Variants in NOL4 observed in about 807,000 individuals in gnomAD.
The protein encoded by NOL4 is cancer/testis antigen 125.
A neutral mutation model predicts 75.9 loss-of-function variants in NOL4; 17 were observed. The observed-to-expected ratio is 0.22, with a 90% CI of 0.15 to 0.34. The LOEUF (loss-of-function observed/expected upper bound fraction) is 0.34, where lower values mean the gene tolerates loss of function less well. Among genes scored for constraint, NOL4 ranks in the 10% least tolerant of loss-of-function variants. The pLI is 1.00. For synonymous variants in NOL4, 292 were observed against 289.9 expected, an observed-to-expected ratio of 1.01 and a Z score of -0.07; for missense variants, 614 against 793.5, an observed-to-expected ratio of 0.77 and a Z score of 2.72.
At position 33,937,145 on chromosome 18, in the gene NOL4, A is replaced by T. The variant is rs566095315; in HGVS notation, c.1542+5920T>A. ...TGTTAAATCTAGAAAAATGCTATAT[A>T]TATTCCAAACTGCATTGCGAATGGA... is the stretch of plus-strand genomic sequence containing the variant. On this transcript the variant is annotated intron_variant, in intron 9 of 10. Transcript: ENST00000261592. 3.3e-3 allele frequency among the ~76,000 whole-genome samples: 508 copies of T among 152,184 alleles called. 3 individuals carry two copies. Among genetic ancestry groups the T allele is most frequent in the South Asian group, 7.9e-3 (38 of 4,822 alleles).
chr18:33,973,804 A>C (rs2071269825), intron 6 of NOL4, among the ~76,000 whole-genome samples: 1 of 152,236 alleles, frequency 6.6e-6, no homozygotes, highest in Non-Finnish European at 1.5e-5. Context: ...TAAGTAAACC[A>C]TGCTGTACAC....
intron 9 of NOL4, among the ~76,000 whole-genome samples, chr18:33,895,795 G>C (rs1424912415): frequency 6.6e-6 from 1 of 152,112 alleles, no homozygotes; most frequent in Non-Finnish European, 1.5e-5. Flanking sequence ...AGTATTGGAA[G>C]TCTTAACCAG....
intron 9 of NOL4, among the ~76,000 whole-genome samples, chr18:33,908,225 T>C (rs1599831274): frequency 6.6e-6 from 1 of 152,190 alleles, no homozygotes; most frequent in East Asian, 1.9e-4. Context: ...AAACAAAACT[T>C]TGAAAAATAC....
At chr18:34,001,816 A>G (rs1350562988) in intron 6 of NOL4, 1 of 152,634 alleles carries the variant, frequency 6.6e-6, no homozygotes, top group Non-Finnish European at 1.5e-5. Context: ...AATATTTCAT[A>G]AAGACTGGAA....
chr18:34,079,468 C>T (rs1259937167), intron 5 of NOL4, among the ~76,000 whole-genome samples: 1 of 151,872 alleles, frequency 6.6e-6, no homozygotes, highest in African/African-American at 2.4e-5. Context: ...ACCTAAATAC[C>T]CCATGCCATT....
intron 10 of NOL4, among the ~76,000 whole-genome samples, chr18:33,868,024 C>T (rs749724176): frequency 4.6e-5 from 7 of 151,388 alleles, no homozygotes; most frequent in South Asian, 2.1e-4. Context: ...ATGCTTTACT[C>T]GGTCTACTGA....
chr18:33,927,950 A>G (rs2067445288), intron 9 of NOL4, among the ~76,000 whole-genome samples: 2 of 152,098 alleles, frequency 1.3e-5, no homozygotes, highest in Non-Finnish European at 1.5e-5. Flanking sequence ...CTAACTCCAT[A>G]ATGAATTTGT....
chr18:33,902,187 G>T (rs1391742719), intron 9 of NOL4, among the ~76,000 whole-genome samples: 1 of 151,964 alleles, frequency 6.6e-6, no homozygotes, highest in Non-Finnish European at 1.5e-5. Context: ...ATTTATAATA[G>T]TTCTTCTATG....
chr18:34,069,122 G>A (rs2077404753), intron 5 of NOL4, among the ~76,000 whole-genome samples: 1 of 152,126 alleles, frequency 6.6e-6, no homozygotes, highest in Admixed American at 6.6e-5. Flanking sequence ...CATTATTGAT[G>A]TGTGAAACAA....
intron 6 of NOL4, among the ~76,000 whole-genome samples, chr18:33,965,818 T>A (rs1004116767): frequency 6.6e-6 from 1 of 152,106 alleles, no homozygotes; most frequent in East Asian, 1.9e-4. Context: ...TTACCCAGTC[T>A]TGGGTACGTC....
chr18:33,955,569 G>A (rs2069583097), intron 8 of NOL4, among the ~76,000 whole-genome samples: 1 of 151,928 alleles, frequency 6.6e-6, no homozygotes, highest in Non-Finnish European at 1.5e-5. Context: ...AAAGACAATG[G>A]AGAGTTTGGC....
chr18:34,033,445 A>C (rs1280270293), intron 5 of NOL4, among the ~76,000 whole-genome samples: 1 of 152,008 alleles, frequency 6.6e-6, no homozygotes, highest in Non-Finnish European at 1.5e-5. Flanking sequence ...TAGATCAAGC[A>C]GAAGAAAAAA....
intron 10 of NOL4, among the ~76,000 whole-genome samples, chr18:33,858,405 T>A (rs34272238): frequency 2.0e-5 from 3 of 151,916 alleles, no homozygotes; most frequent in African/African-American, 7.2e-5. Flanking sequence ...AAAAATCAAC[T>A]ATAAAACCTC....
intron 5 of NOL4, among the ~76,000 whole-genome samples, chr18:34,026,870 A>C (rs1050211194): frequency 6.6e-6 from 1 of 152,170 alleles, no homozygotes; most frequent in East Asian, 1.9e-4. Flanking sequence ...CAAACATAGT[A>C]TTAGAAACTG....
chr18:33,976,990 T>C (rs1266048334), intron 6 of NOL4, among the ~76,000 whole-genome samples: 1 of 152,154 alleles, frequency 6.6e-6, no homozygotes, highest in African/African-American at 2.4e-5. Flanking sequence ...GCATATAGAA[T>C]AGTTTTGTTT....
chr18:34,028,724 A>T (rs1351695428), intron 5 of NOL4, among the ~76,000 whole-genome samples: 16 of 152,180 alleles, frequency 1.1e-4, no homozygotes, highest in Non-Finnish European at 1.5e-5. Context: ...GACCTACTAA[A>T]TCAGAATCTG....
intron 1 of NOL4, among the ~76,000 whole-genome samples, chr18:34,143,206 C>T (rs2081258011): frequency 6.6e-6 from 1 of 152,042 alleles, no homozygotes; most frequent in African/African-American, 2.4e-5. Flanking sequence ...TCAACCAATA[C>T]TACAGTGGTG....
intron 1 of NOL4, among the ~76,000 whole-genome samples, chr18:34,195,913 G>T (rs1446464063): frequency 6.6e-6 from 1 of 152,152 alleles, no homozygotes; most frequent in South Asian, 2.1e-4. Context: ...AGTAGATAAA[G>T]AATTCATTTT....
intron 9 of NOL4, among the ~76,000 whole-genome samples, chr18:33,919,439 A>T (rs1568062291): frequency 6.6e-6 from 1 of 152,166 alleles, no homozygotes; most frequent in Non-Finnish European, 1.5e-5. Flanking sequence ...GCTTGCATTG[A>T]TGCTAACTTG....
Sources: allele counts gnomAD v4.1 joint callset (sites outside exome capture counted in the v4.1 genomes callset), GRCh38; gene constraint gnomAD v4.1.1; transcripts MANE v1.5; gene names NCBI Gene and HGNC (gene_info 2026-07-23, HGNC 2026-07-21).